The following DSE variants were observed in gnomAD, a reference collection of about 807,000 sequenced individuals.
DSE encodes dermatan-sulfate epimerase.
DSE carries 36 observed loss-of-function variants against 84.4 expected under a neutral mutation model. The ratio of observed to expected loss-of-function variants is 0.43; its 90% CI spans 0.33 to 0.56. The LOEUF is 0.56. Ranked by LOEUF, DSE falls within the 20% of genes least tolerant of loss-of-function variation. The pLI, the probability that DSE is intolerant of heterozygous loss-of-function variation, is 0.06. For synonymous variants in DSE, 410 were observed against 430.1 expected (o/e 0.95, Z 0.58); for missense variants, 862 against 1,169.6 (o/e 0.74, Z 3.84).
At chr6:116,350,549 A>G (rs535416655) in intron 2 of DSE, among the ~76,000 whole-genome samples, 29 of 152,332 alleles carry the variant, frequency 1.9e-4, no homozygotes, top group African/African-American at 6.3e-4. Context: ...AAACAGGACC[A>G]TCATTACCCC....
At position 116,283,220 on chromosome 6, in the gene DSE, G is replaced by A. The variant is rs145289250; in HGVS notation, c.-54+24253G>A. ...AAAGAGGAAACAGTAACACTGAGAG[G>A]CTAACTAACTTTACCAAAGTCATAC... is the stretch of plus-strand genomic sequence containing the variant. On this transcript the variant is annotated intron_variant, in intron 2 of 3. Coordinates refer to the DSE transcript ENST00000430252. 5.3e-5 allele frequency among the ~76,000 whole-genome samples: 8 copies of A among 152,270 alleles called. No individual in the cohort carries two copies. The East Asian group carries it at 1.5e-3, about 29-fold the overall frequency.
At chr6:116,361,207 A>C (rs2114879319) in intron 2 of DSE, among the ~76,000 whole-genome samples, 1 of 151,924 alleles carries the variant, frequency 6.6e-6, no homozygotes, top group African/African-American at 2.4e-5. Context: ...TTACAGGTGT[A>C]CGCCACCACG....
chr6:116,408,421 A>C (rs1390390790), intron 2 of DSE, among the ~76,000 whole-genome samples: 2 of 152,214 alleles, frequency 1.3e-5, no homozygotes, highest in Admixed American at 6.5e-5. Flanking sequence ...TACCTGCCAC[A>C]AAGACACTAA....
rs1329904901 is a variant in DSE, at chr6:116,441,807, CAAAT to C, written c.*4465_*4468del. On this transcript the variant is annotated 3_prime_UTR_variant, in exon 6 of 6. Coordinates refer to ENST00000644252, the MANE Select transcript of DSE (RefSeq NM_013352.4). ...CCACAGCACTTTTCAGTTGAGTTAA[CAAAT>C]AACGAATGACAATAACATGTTTACA... 1 of 152,260 alleles carries C rather than the reference CAAAT, an allele frequency of 6.6e-6. No homozygotes were observed. Among genetic ancestry groups the C allele is most frequent in the Middle Eastern group, 3.4e-3 (1 of 294 alleles). 9.4% of individuals were successfully genotyped at this position (152,260 alleles called of 1,614,324 possible). A position where few individuals can be genotyped will look rare whatever the true frequency, so the allele number is the denominator to read the frequency against.
chr6:116,341,217 T>A (rs1279278347), intron 2 of DSE, among the ~76,000 whole-genome samples: 1 of 152,246 alleles, frequency 6.6e-6, no homozygotes, highest in African/African-American at 2.4e-5. Context: ...GAATTTGATT[T>A]GCATTTCTCT....
intron 2 of DSE, among the ~76,000 whole-genome samples, chr6:116,271,847 T>A (rs1438564278): frequency 1.3e-5 from 2 of 152,158 alleles, no homozygotes; most frequent in East Asian, 3.8e-4. Context: ...TATAATTTAC[T>A]TACACTAAAA....
chr6:116,370,769 C>T, upstream of DSE: 1 of 937,848 alleles, frequency 1.1e-6, no homozygotes, highest in Non-Finnish European at 1.3e-6. Context: ...GCGGGGCGGG[C>T]CTGCGGTCGG....
chr6:116,291,519 G>A (rs1188933052), intron 2 of DSE, among the ~76,000 whole-genome samples: 3 of 151,564 alleles, frequency 2.0e-5, no homozygotes, highest in Non-Finnish European at 2.9e-5. Context: ...TGATGGTTAG[G>A]TAAAATGGAA....
At chr6:116,317,406 A>G (rs759927475) in intron 2 of DSE, among the ~76,000 whole-genome samples, 1 of 152,036 alleles carries the variant, frequency 6.6e-6, no homozygotes, top group Non-Finnish European at 1.5e-5. Flanking sequence ...CCGGGAAGTT[A>G]CTCTTGGATA....
intron 3 of DSE, among the ~76,000 whole-genome samples, chr6:116,429,216 GC>G (rs1783651455): frequency 6.6e-6 from 1 of 152,132 alleles, no homozygotes; most frequent in South Asian, 2.1e-4. Context: ...GGCAGAAGAG[GC>G]CAGGGTATGA....
At chr6:116,308,693 T>C (rs1266781797) in intron 2 of DSE, among the ~76,000 whole-genome samples, 1 of 152,168 alleles carries the variant, frequency 6.6e-6, no homozygotes. Flanking sequence ...TGGGGTTTTT[T>C]TTGAGATGGA....
At chr6:116,290,363 G>C (rs1162815334) in intron 2 of DSE, among the ~76,000 whole-genome samples, 2 of 152,048 alleles carry the variant, frequency 1.3e-5, no homozygotes, top group East Asian at 3.8e-4. Flanking sequence ...AAACAGCCAT[G>C]GAAACTTTAA....
intron 2 of DSE, among the ~76,000 whole-genome samples, chr6:116,409,149 CTAT>C (rs1172396859): frequency 6.6e-6 from 1 of 152,094 alleles, no homozygotes; most frequent in Non-Finnish European, 1.5e-5. Context: ...AATGTGTTAA[CTAT>C]TATTGTTATC....
At chr6:116,319,778 C>G (rs1341003333) in intron 2 of DSE, among the ~76,000 whole-genome samples, 2 of 152,136 alleles carry the variant, frequency 1.3e-5, no homozygotes, top group Admixed American at 6.5e-5. Flanking sequence ...TCCCTTTTCG[C>G]TTTCTTCACT....
chr6:116,397,028 A>G (rs1781294277), intron 1 of DSE, among the ~76,000 whole-genome samples: 1 of 152,042 alleles, frequency 6.6e-6, no homozygotes, highest in African/African-American at 2.4e-5. Flanking sequence ...CTGGTAGTTG[A>G]GGGATCTTTC....
chr6:116,396,498 G>A (rs1410166307), intron 1 of DSE, among the ~76,000 whole-genome samples: 1 of 152,168 alleles, frequency 6.6e-6, no homozygotes, highest in African/African-American at 2.4e-5. Context: ...GGCTAACGTG[G>A]TGTTCTGACG....
At chr6:116,421,231 T>C (rs1248755527) in intron 2 of DSE, among the ~76,000 whole-genome samples, 2 of 151,860 alleles carry the variant, frequency 1.3e-5, no homozygotes, top group African/African-American at 2.4e-5. Context: ...TTTTAAACTT[T>C]TTGGACTTGG....
chr6:116,279,862 C>A, intron 2 of DSE: 3 of 1,613,026 alleles, frequency 1.9e-6, no homozygotes, highest in Non-Finnish European at 1.7e-6. Context: ...CGCAGGCGAA[C>A]GCCCGTTTTC....
In DSE at chr6:116,278,329, G is replaced by C. The variant is rs1051134103; in HGVS notation, c.-54+19362G>C. On this transcript the variant is annotated intron_variant, in intron 2 of 3. Coordinates refer to the DSE transcript ENST00000430252. Reference sequence around the variant, plus strand: ...AGAACAGCATGAAGGTCATATGGAAGTGGAGAAGCATACCCACCACCGTCT... The same window carrying C: ...AGAACAGCATGAAGGTCATATGGAACTGGAGAAGCATACCCACCACCGTCT... The C allele has an allele frequency of 2.4e-5, 16 of 672,274 alleles. No homozygotes were observed. In the East Asian group the frequency reaches 3.1e-4, roughly 13 times the overall value. The allele number at this position is 672,274 out of a possible 1,614,324, so 41.6% of individuals were successfully genotyped here.
Sources: gnomAD v4.1 joint callset for allele counts (sites outside exome capture counted in the v4.1 genomes callset) on GRCh38, gnomAD v4.1.1 for gene constraint, MANE v1.5 for transcripts, NCBI Gene and HGNC (gene_info 2026-07-23, HGNC 2026-07-21) for gene names.